SMYD3: variants seen among roughly 807,000 people sequenced by gnomAD.
SMYD3 encodes histone-lysine N-methyltransferase SMYD3.
SMYD3 carries 36 observed loss-of-function variants against 57.7 expected under a neutral mutation model. The ratio of observed to expected loss-of-function variants is 0.62; its 90% CI spans 0.48 to 0.82. SMYD3 has a LOEUF of 0.82. Ranked by LOEUF, SMYD3 falls within the 40% of genes least tolerant of loss-of-function variation. SMYD3 has a pLI of 0.00. For synonymous variants in SMYD3, 211 were observed against 195.0 expected (o/e 1.08, Z -0.68); for missense variants, 515 against 538.8 (o/e 0.96, Z 0.44).
intron 10 of SMYD3, among the ~76,000 whole-genome samples, chr1:245,832,112 G>T (rs911608424): frequency 1.9e-4 from 29 of 152,164 alleles, no homozygotes; most frequent in Non-Finnish European, 4.4e-5. Context: ...GTCCAGAAAG[G>T]ATCTGTCTGT....
intron 5 of SMYD3, among the ~76,000 whole-genome samples, chr1:246,123,037 AGAG>A (rs1268143841): frequency 1.3e-5 from 2 of 152,232 alleles, no homozygotes; most frequent in Non-Finnish European, 2.9e-5. Context: ...AGAAAAATTA[AGAG>A]GAGATAACAG....
intron 1 of SMYD3, among the ~76,000 whole-genome samples, chr1:246,456,722 G>C (rs760685944): frequency 5.9e-5 from 9 of 152,170 alleles, no homozygotes; most frequent in Non-Finnish European, 1.3e-4. Flanking sequence ...GGGACCAGAA[G>C]GTGAGTGATA....
intron 7 of SMYD3, among the ~76,000 whole-genome samples, chr1:245,921,549 G>GTATATATATATATATA (rs143521072): frequency 2.3e-4 from 33 of 141,368 alleles, no homozygotes; most frequent in South Asian, 2.1e-3. Context: ...AAAATGTGGT[G>GTATATATATATATATA]TATATATATA....
At chr1:246,121,569 T>C (rs773314856) in intron 5 of SMYD3, among the ~76,000 whole-genome samples, 5 of 152,206 alleles carry the variant, frequency 3.3e-5, no homozygotes, top group Non-Finnish European at 7.4e-5. Context: ...GTGTAGTTTT[T>C]AGTCTACATA....
At chr1:245,801,533 G>A (rs1220420589) in intron 10 of SMYD3, among the ~76,000 whole-genome samples, 1 of 152,102 alleles carries the variant, frequency 6.6e-6, no homozygotes, top group Non-Finnish European at 1.5e-5. Context: ...TCAGAGGAAG[G>A]GATAAGAGCT....
intron 5 of SMYD3, among the ~76,000 whole-genome samples, chr1:245,978,160 G>C (rs1270138938): frequency 6.6e-6 from 1 of 152,158 alleles, no homozygotes; most frequent in Non-Finnish European, 1.5e-5. Context: ...GGAACATCCA[G>C]AGACATTTGG....
At chr1:245,965,523 G>A (rs2058118763) in intron 5 of SMYD3, among the ~76,000 whole-genome samples, 1 of 152,146 alleles carries the variant, frequency 6.6e-6, no homozygotes, top group Non-Finnish European at 1.5e-5. Context: ...GTAAACTGTG[G>A]TACATCTAGA....
At chr1:245,849,468 A>G (rs538741709) in intron 10 of SMYD3, among the ~76,000 whole-genome samples, 1 of 152,096 alleles carries the variant, frequency 6.6e-6, no homozygotes, top group South Asian at 2.1e-4. Context: ...AGTTATGTGT[A>G]TGGACCAAAA....
chr1:246,428,137 G>A (rs1248008016), intron 1 of SMYD3, among the ~76,000 whole-genome samples: 5 of 152,192 alleles, frequency 3.3e-5, no homozygotes, highest in Admixed American at 2.6e-4. Flanking sequence ...AGGTAGTTCA[G>A]TTAGCTCTTG....
chr1:245,829,520 T>C (rs2049712607), intron 10 of SMYD3, among the ~76,000 whole-genome samples: 1 of 152,174 alleles, frequency 6.6e-6, no homozygotes, highest in African/African-American at 2.4e-5. Flanking sequence ...ACTCTCCGTA[T>C]TACTCTCATA....
chr1:246,130,023 A>G (rs2061564515), intron 5 of SMYD3, among the ~76,000 whole-genome samples: 1 of 152,202 alleles, frequency 6.6e-6, no homozygotes, highest in African/African-American at 2.4e-5. Flanking sequence ...AACAATACTA[A>G]TTCCATAATT....
At chr1:245,776,738 G>T (rs1419048332) in intron 10 of SMYD3, among the ~76,000 whole-genome samples, 1 of 152,172 alleles carries the variant, frequency 6.6e-6, no homozygotes, top group Non-Finnish European at 1.5e-5. Context: ...GATTTTCAAA[G>T]AAAAAATATA....
chr1:246,049,036 A>G (rs1433750575), intron 5 of SMYD3, among the ~76,000 whole-genome samples: 5 of 152,268 alleles, frequency 3.3e-5, no homozygotes, highest in Non-Finnish European at 7.3e-5. Context: ...AGGAGACCAT[A>G]GCAGGCATGC....
At position 245,808,725 on chromosome 1, in the gene SMYD3, CT is replaced by C. The variant is rs559530517; in HGVS notation, c.1077-44577del. ...GATGCTGTCCCATCCCAGGACAGTG[CT>C]TTTTTTTGGAAATAAATTAGGTTGT... On this transcript the variant is annotated intron_variant, in intron 10 of 11. Transcript: ENST00000490107. 1.5e-4 allele frequency among the ~76,000 whole-genome samples: 23 copies of C among 151,316 alleles called. No individual in the cohort carries two copies. The East Asian group carries it at 4.3e-3, about 28-fold the overall frequency.
intron 1 of SMYD3, among the ~76,000 whole-genome samples, chr1:246,430,078 A>G (rs1345862568): frequency 2.6e-5 from 2 of 75,486 alleles, no homozygotes; most frequent in Non-Finnish European, 5.1e-5. Flanking sequence ...AGTACTAAAT[A>G]ATCATACGAG....
chr1:246,260,101 T>C (rs2063976588), intron 5 of SMYD3, among the ~76,000 whole-genome samples: 1 of 152,160 alleles, frequency 6.6e-6, no homozygotes, highest in Admixed American at 6.5e-5. Flanking sequence ...TCCCCCTATA[T>C]GAGGATCTCT....
chr1:245,942,042 C>T (rs945334742), intron 5 of SMYD3, among the ~76,000 whole-genome samples: 2 of 152,118 alleles, frequency 1.3e-5, no homozygotes, highest in Admixed American at 6.5e-5. Context: ...GTACACAGAC[C>T]GATGACACTA....
chr1:245,960,532 G>C (rs2057972545), intron 5 of SMYD3, among the ~76,000 whole-genome samples: 1 of 152,034 alleles, frequency 6.6e-6, no homozygotes, highest in African/African-American at 2.4e-5. Flanking sequence ...GGCCAGCCTG[G>C]GTAACATGGG....
intron 8 of SMYD3, among the ~76,000 whole-genome samples, chr1:245,900,139 C>T (rs1405454514): frequency 6.6e-6 from 1 of 152,122 alleles, no homozygotes; most frequent in African/African-American, 2.4e-5. Context: ...TTAAACGAAT[C>T]TTTAGCTCAA....
Sources: gnomAD v4.1 joint callset for allele counts (sites outside exome capture counted in the v4.1 genomes callset) on GRCh38, gnomAD v4.1.1 for gene constraint, MANE v1.5 for transcripts, NCBI Gene and HGNC (gene_info 2026-07-23, HGNC 2026-07-21) for gene names.